The following C12orf56 variants were observed in gnomAD, a reference collection of about 807,000 sequenced individuals.
C12orf56 encodes uncharacterized protein C12orf56.
A neutral mutation model predicts 69.9 loss-of-function variants in C12orf56; 71 were observed. That is an observed-to-expected ratio of 1.02 (90% CI 0.84 to 1.24). C12orf56 has a LOEUF of 1.24. C12orf56 is among the 50% of genes most tolerant of loss of function. The pLI is 0.00. For synonymous variants in C12orf56, 276 were observed against 274.1 expected (o/e 1.01, Z -0.07); for missense variants, 732 against 738.5 (o/e 0.99, Z 0.10).
At chr12:64,283,812 C>T (rs184583819) in intron 8 of C12orf56, among the ~76,000 whole-genome samples, 2 of 152,036 alleles carry the variant, frequency 1.3e-5, no homozygotes, top group Admixed American at 1.3e-4. Context: ...GTCCCTGGCT[C>T]ACCTTGTGTT....
At chr12:64,279,366 G>T (rs1341080631) in intron 8 of C12orf56, among the ~76,000 whole-genome samples, 6 of 152,180 alleles carry the variant, frequency 3.9e-5, no homozygotes, top group Admixed American at 3.9e-4. Flanking sequence ...CTCCTATTGG[G>T]TAGTATAACC....
intron 6 of C12orf56, among the ~76,000 whole-genome samples, chr12:64,297,727 A>G (rs956904667): frequency 1.3e-5 from 2 of 152,122 alleles, no homozygotes; most frequent in African/African-American, 2.4e-5. Context: ...TCATCTTTTT[A>G]TGGCTGCATA....
intron 8 of C12orf56, among the ~76,000 whole-genome samples, chr12:64,283,078 A>G (rs2038153090): frequency 6.7e-6 from 1 of 150,298 alleles, no homozygotes; most frequent in Non-Finnish European, 1.5e-5. Context: ...GGAGGCAGAG[A>G]TTGCCATGAG....
chr12:64,299,106 G>A lies in C12orf56; in HGVS notation c.1113+4529C>T, dbSNP rs191111127. 1.2e-3 allele frequency among the ~76,000 whole-genome samples: 182 copies of A among 152,274 alleles called. 2 individuals carry two copies. The highest frequency in any genetic ancestry group is 4.3e-3 in the African/African-American group (179 of 41,546). On this transcript the variant is annotated intron_variant, in intron 6 of 12. Coordinates refer to ENST00000543942, the MANE Select transcript of C12orf56 (RefSeq NM_001170633.2). The stretch of plus-strand genomic sequence containing the variant: ...CTTGAAGAGGTCCTTCACATTCCTT[G>A]TAAGTTGTATTCCTAGGTATTTTAT...
At chr12:64,338,278 C>T (rs1163439448) in intron 2 of C12orf56, 1 of 522,340 alleles carries the variant, frequency 1.9e-6, no homozygotes, top group East Asian at 4.9e-5. Context: ...TATTGGAAAC[C>T]TTTATGTTAC....
intron 4 of C12orf56, among the ~76,000 whole-genome samples, chr12:64,317,728 C>G (rs2038707686): frequency 6.6e-6 from 1 of 151,920 alleles, no homozygotes; most frequent in Non-Finnish European, 1.5e-5. Context: ...CCACTGCGCT[C>G]CAGCCTGGGT....
chr12:64,337,784 G>A (rs563785356), intron 2 of C12orf56, among the ~76,000 whole-genome samples: 2 of 151,574 alleles, frequency 1.3e-5, no homozygotes, highest in East Asian at 3.9e-4. Context: ...TTGAACCTGA[G>A]GGGTGGAGGT....
chr12:64,389,995 A>G (rs1208270441), intron 1 of C12orf56, among the ~76,000 whole-genome samples: 1 of 152,104 alleles, frequency 6.6e-6, no homozygotes, highest in Non-Finnish European at 1.5e-5. Context: ...GGCACTGACT[A>G]GGTGCTTTGT....
intron 3 of C12orf56, among the ~76,000 whole-genome samples, chr12:64,328,112 G>T (rs2038867279): frequency 6.6e-6 from 1 of 152,056 alleles, no homozygotes; most frequent in Non-Finnish European, 1.5e-5. Flanking sequence ...GAGAATGACA[G>T]AAAGTGCAGT....
At chr12:64,364,428 G>A (rs1259928702) in intron 1 of C12orf56, among the ~76,000 whole-genome samples, 1 of 152,142 alleles carries the variant, frequency 6.6e-6, no homozygotes, top group East Asian at 1.9e-4. Flanking sequence ...TTTTGCTCAA[G>A]GGTAGGGAGC....
At chr12:64,322,261 T>C (rs577725398) in intron 3 of C12orf56, among the ~76,000 whole-genome samples, 2 of 152,094 alleles carry the variant, frequency 1.3e-5, no homozygotes, top group South Asian at 4.1e-4. Flanking sequence ...TCCTTCAATC[T>C]TTATTCTCTT....
intron 12 of C12orf56, among the ~76,000 whole-genome samples, chr12:64,270,162 C>G (rs2037963052): frequency 6.6e-6 from 1 of 151,986 alleles, no homozygotes; most frequent in Non-Finnish European, 1.5e-5. Context: ...CTTTGGGAGG[C>G]TGAGGTGGGT....
intron 11 of C12orf56, among the ~76,000 whole-genome samples, chr12:64,273,278 A>G (rs2136746220): frequency 6.6e-6 from 1 of 151,068 alleles, no homozygotes; most frequent in African/African-American, 2.5e-5. Flanking sequence ...AGCCTGGGCA[A>G]CAGAGCAAGA....
At chr12:64,320,077 G>A (rs1565754745) in intron 3 of C12orf56, among the ~76,000 whole-genome samples, 2 of 152,208 alleles carry the variant, frequency 1.3e-5, no homozygotes, top group Admixed American at 6.5e-5. Context: ...GCTCCCGAAC[G>A]GGCTAAAGGC....
chr12:64,360,053 C>G (rs1028942959), intron 1 of C12orf56, among the ~76,000 whole-genome samples: 37 of 152,140 alleles, frequency 2.4e-4, no homozygotes, highest in African/African-American at 8.9e-4. Flanking sequence ...GAATTCAATC[C>G]CTTGTTAGCA....
chr12:64,340,112 G>T (rs1037994331), intron 2 of C12orf56, among the ~76,000 whole-genome samples: 1 of 152,088 alleles, frequency 6.6e-6, no homozygotes, highest in Non-Finnish European at 1.5e-5. Flanking sequence ...GCCAGTCCGA[G>T]TTCCAAAACT....
chr12:64,380,370 T>C (rs1194941970), intron 1 of C12orf56, among the ~76,000 whole-genome samples: 2 of 152,096 alleles, frequency 1.3e-5, no homozygotes, highest in East Asian at 1.9e-4. Context: ...AGATAAGCTA[T>C]ATGATAGATC....
chr12:64,336,748 A>G (rs1287050552), intron 2 of C12orf56, among the ~76,000 whole-genome samples: 2 of 152,210 alleles, frequency 1.3e-5, no homozygotes, highest in Non-Finnish European at 2.9e-5. Context: ...AGTCTAGTGG[A>G]CAATGAATGG....
intron 5 of C12orf56, among the ~76,000 whole-genome samples, chr12:64,307,320 C>T (rs1261216041): frequency 6.6e-6 from 1 of 151,538 alleles, no homozygotes; most frequent in Non-Finnish European, 1.5e-5. Flanking sequence ...ATGATTATCA[C>T]ACCCTACAAA....
Sources: gnomAD v4.1 joint callset for allele counts (sites outside exome capture counted in the v4.1 genomes callset) on GRCh38, gnomAD v4.1.1 for gene constraint, MANE v1.5 for transcripts, NCBI Gene and HGNC (gene_info 2026-07-23, HGNC 2026-07-21) for gene names.